NDUFA10: variants seen among roughly 807,000 people sequenced by gnomAD.
The protein encoded by NDUFA10 is NADH dehydrogenase [ubiquinone] 1 alpha subcomplex subunit 10, mitochondrial.
NDUFA10 carries 40 observed loss-of-function variants against 47.8 expected under a neutral mutation model. That is an observed-to-expected ratio of 0.84 (90% confidence interval 0.65 to 1.09). NDUFA10 has a LOEUF of 1.09. NDUFA10 is among the 50% of genes least tolerant of loss of function. The probability of loss-of-function intolerance (pLI) is 0.00; values close to 1 mark genes in which losing one functional copy is unlikely to be tolerated. For missense variants in NDUFA10, 413 were observed against 451.1 expected, an observed-to-expected ratio of 0.92 and a Z score of 0.76; for synonymous variants, 183 against 172.2, an observed-to-expected ratio of 1.06 and a Z score of -0.49.
intron 4 of NDUFA10, among the ~76,000 whole-genome samples, chr2:239,917,066 C>G (rs1574777292): frequency 6.6e-6 from 1 of 152,220 alleles, no homozygotes; most frequent in South Asian, 2.1e-4. Flanking sequence ...GAGTGAGGCC[C>G]TGAGCACATC....
At chr2:239,942,133 C>T (rs1475302164) in intron 4 of NDUFA10, among the ~76,000 whole-genome samples, 1 of 152,232 alleles carries the variant, frequency 6.6e-6, no homozygotes, top group African/African-American at 2.4e-5. Flanking sequence ...GTCCACCTTC[C>T]TATAAATTAG....
intron 4 of NDUFA10, among the ~76,000 whole-genome samples, chr2:239,915,746 TAC>T (rs976065639): frequency 3.7e-5 from 5 of 135,404 alleles, no homozygotes; most frequent in African/African-American, 1.4e-4. Context: ...GAGATACACA[TAC>T]ACACACAGAA....
intron 5 of NDUFA10, chr2:240,012,317 C>T (rs1000707817): frequency 1.2e-5 from 2 of 164,008 alleles, no homozygotes; most frequent in African/African-American, 4.8e-5. Context: ...GTTTTGTTTT[C>T]TTCACATCAT....
chr2:239,893,526 GT>G (rs2106458165), intron 5 of NDUFA10, among the ~76,000 whole-genome samples: 1 of 152,336 alleles, frequency 6.6e-6, no homozygotes, highest in East Asian at 1.9e-4. Context: ...TAGGTCTGGT[GT>G]CTGGTGAGGG....
intron 4 of NDUFA10, among the ~76,000 whole-genome samples, chr2:239,913,320 C>A (rs1236122419): frequency 6.6e-6 from 1 of 152,234 alleles, no homozygotes; most frequent in Admixed American, 6.5e-5. Context: ...AGGACGCTGG[C>A]CTAGGCGCAC....
chr2:239,893,157 C>CAAA (rs1693325094), intron 5 of NDUFA10, among the ~76,000 whole-genome samples: 1 of 152,172 alleles, frequency 6.6e-6, no homozygotes, highest in Non-Finnish European at 1.5e-5. Context: ...CAGGCAAACC[C>CAAA]AAAAGGAAGC....
chr2:240,005,846 G>C (rs1277975258), intron 7 of NDUFA10, among the ~76,000 whole-genome samples: 1 of 152,172 alleles, frequency 6.6e-6, no homozygotes, highest in East Asian at 1.9e-4. Flanking sequence ...TGCAGGCTGG[G>C]AGAAAAGGAC....
chr2:239,998,886 C>T (rs1329741406), intron 8 of NDUFA10, among the ~76,000 whole-genome samples: 2 of 152,176 alleles, frequency 1.3e-5, no homozygotes, highest in African/African-American at 2.4e-5. Context: ...GATCTGTCTG[C>T]GTATCTGTCC....
At chr2:240,007,603 T>C (rs1444008552) in intron 6 of NDUFA10, among the ~76,000 whole-genome samples, 2 of 152,106 alleles carry the variant, frequency 1.3e-5, no homozygotes, top group Non-Finnish European at 2.9e-5. Context: ...GCAGGACCAT[T>C]TCCTCGTTTC....
chr2:239,991,705 T>G (rs1379954387), intron 8 of NDUFA10, among the ~76,000 whole-genome samples: 1 of 152,196 alleles, frequency 6.6e-6, no homozygotes, highest in Non-Finnish European at 1.5e-5. Context: ...AACACAAATA[T>G]AAGGATAATT....
intron 9 of NDUFA10, among the ~76,000 whole-genome samples, chr2:239,978,047 C>A (rs923129864): frequency 6.6e-6 from 1 of 152,128 alleles, no homozygotes; most frequent in African/African-American, 2.4e-5. Context: ...ACTGGGATCT[C>A]TGATGAGCTG....
chr2:240,015,371 T>C (rs1002548218), intron 4 of NDUFA10, among the ~76,000 whole-genome samples: 9 of 152,252 alleles, frequency 5.9e-5, no homozygotes, highest in Non-Finnish European at 1.0e-4. Flanking sequence ...ATAGTATACA[T>C]GCTACTATAT....
At position 239,957,382 on chromosome 2, in the gene NDUFA10, A is replaced by G. The variant is rs1694683080; in HGVS notation, c.*3736T>C. ...AATCACCAGGTATAGTCTCATTAAA[A>G]ACATGTTTATTCAATGAAACTACAT... On this transcript the variant is annotated 3_prime_UTR_variant, in exon 10 of 10. Coordinates refer to ENST00000252711, the MANE Select transcript of NDUFA10 (RefSeq NM_004544.4). The G allele has an allele frequency of 6.6e-6, 1 of 152,220 alleles. No homozygotes were observed. Among genetic ancestry groups the G allele is most frequent in the South Asian group, 2.1e-4 (1 of 4,834 alleles). 9.4% of individuals were successfully genotyped at this position (152,220 alleles called of 1,614,324 possible). A position where few individuals can be genotyped will look rare whatever the true frequency, so the allele number is the denominator to read the frequency against.
At chr2:240,009,671 A>C (rs1260773158) in intron 6 of NDUFA10, among the ~76,000 whole-genome samples, 29 of 152,260 alleles carry the variant, frequency 1.9e-4, no homozygotes, top group Admixed American at 1.9e-3. Context: ...GGAACTGCTC[A>C]AAGACAGGAG....
chr2:240,020,876 C>T (rs181487579), intron 3 of NDUFA10, among the ~76,000 whole-genome samples: 91 of 152,336 alleles, frequency 6.0e-4, no homozygotes, highest in Admixed American at 1.4e-3. Context: ...TCCTCCTGGA[C>T]ACTTCTGTGC....
Position 239,945,051 on chromosome 2 carries a change from T to C in NDUFA10, c.294+45023A>G, listed in dbSNP as rs934479035. 6.6e-6 allele frequency among the ~76,000 whole-genome samples: 1 copy of C among 151,768 alleles called. No individual in the cohort carries two copies. The highest frequency in any genetic ancestry group is 2.0e-4 in the East Asian group (1 of 5,092). ...GCAAGGTGCCTCCCCGAGACAGAAT[T>C]CCATGGTTTTGGTAGCAGACTCCCA... On this transcript the variant is annotated intron_variant, in intron 4 of 5. Coordinates refer to the NDUFA10 transcript ENST00000419408. The surrounding 1 kb of genome is among the most constrained non-coding windows in gnomAD (Gnocchi z 4.6).
intron 4 of NDUFA10, chr2:240,017,946 C>T: frequency 6.7e-7 from 1 of 1,496,204 alleles, no homozygotes; most frequent in South Asian, 1.2e-5. Context: ...TCCACCAGGC[C>T]TATTCAACCC....
At chr2:240,000,166 T>G (rs909546157) in intron 8 of NDUFA10, among the ~76,000 whole-genome samples, 2 of 152,256 alleles carry the variant, frequency 1.3e-5, no homozygotes, top group African/African-American at 4.8e-5. Context: ...TCGTGATTTT[T>G]AGAGTACTCA....
At position 239,960,299 on chromosome 2, in the gene NDUFA10, AAC is replaced by A; in HGVS notation, c.*817_*818del. 1 of 985,754 alleles carries A rather than the reference AAC, an allele frequency of 1.0e-6. No individual in the cohort carries two copies. The highest frequency in any genetic ancestry group is 1.2e-6 in the Non-Finnish European group (1 of 830,166). 61.1% of individuals were successfully genotyped at this position (985,754 alleles called of 1,614,324 possible). A position where few individuals can be genotyped will look rare whatever the true frequency, so the allele number is the denominator to read the frequency against. On this transcript the variant is annotated 3_prime_UTR_variant, in exon 10 of 10. Transcript: ENST00000252711. ...AGCTTGTTTTGGTTTTCTAGGCTTC[AAC>A]AGAGATGAATAAAGAAATCTGATTT... is the stretch of plus-strand genomic sequence containing the variant.
Sources: gnomAD v4.1 joint callset for allele counts (sites outside exome capture counted in the v4.1 genomes callset) on GRCh38, gnomAD v4.1.1 for gene constraint, Gnocchi (gnomAD v3.1) non-coding constraint, MANE v1.5 for transcripts, NCBI Gene and HGNC (gene_info 2026-07-23, HGNC 2026-07-21) for gene names.